The following HIPK2 variants were observed in gnomAD, a reference collection of about 807,000 sequenced individuals.
HIPK2 encodes homeodomain-interacting protein kinase 2.
HIPK2 carries 27 observed loss-of-function variants against 113.7 expected under a neutral mutation model. The ratio of observed to expected loss-of-function variants is 0.24; its 90% CI spans 0.17 to 0.33. The LOEUF (loss-of-function observed/expected upper bound fraction) is 0.33. Among genes scored for constraint, HIPK2 ranks in the 10% least tolerant of loss-of-function variants. The pLI, the probability that HIPK2 is intolerant of heterozygous loss-of-function variation, is 1.00. For missense variants in HIPK2, 1,257 were observed against 1,588.0 expected (o/e 0.79, Z 3.54); for synonymous variants, 631 against 642.2 (o/e 0.98, Z 0.26).
chr7:139,615,170 C>T (rs1174817824), intron 7 of HIPK2, among the ~76,000 whole-genome samples: 1 of 152,224 alleles, frequency 6.6e-6, no homozygotes, highest in Non-Finnish European at 1.5e-5. Context: ...CACAGGAGCA[C>T]ATGCAACAGG....
At chr7:139,585,608 A>G (rs1585239785) in intron 12 of HIPK2, among the ~76,000 whole-genome samples, 1 of 152,338 alleles carries the variant, frequency 6.6e-6, no homozygotes, top group African/African-American at 2.4e-5. Context: ...CAGTGGCCTC[A>G]TCAGTAAAAG....
intron 12 of HIPK2, among the ~76,000 whole-genome samples, chr7:139,584,978 G>A (rs1798788815): frequency 6.6e-6 from 1 of 152,230 alleles, no homozygotes; most frequent in Non-Finnish European, 1.5e-5. Flanking sequence ...GTTACTTTGG[G>A]AACTACTTCT....
At chr7:139,764,772 C>G (rs1199849878) in intron 1 of HIPK2, among the ~76,000 whole-genome samples, 1 of 152,080 alleles carries the variant, frequency 6.6e-6, no homozygotes. Context: ...GGCCTGAGAG[C>G]AGCACCCAGA....
intron 2 of HIPK2, among the ~76,000 whole-genome samples, chr7:139,647,724 G>A (rs1172661050): frequency 1.3e-5 from 2 of 152,104 alleles, no homozygotes; most frequent in Non-Finnish European, 2.9e-5. Flanking sequence ...GAGGCAGCTA[G>A]GGAGATTTTG....
At chr7:139,696,741 G>A (rs1423223152) in intron 2 of HIPK2, among the ~76,000 whole-genome samples, 2 of 152,120 alleles carry the variant, frequency 1.3e-5, no homozygotes, top group African/African-American at 2.4e-5. Context: ...AAAGAGTAAA[G>A]GGGGAAGAGT....
intron 7 of HIPK2, among the ~76,000 whole-genome samples, chr7:139,617,125 C>T (rs1246160807): frequency 6.6e-6 from 1 of 152,314 alleles, no homozygotes; most frequent in African/African-American, 2.4e-5. Flanking sequence ...TTCTGTATAT[C>T]CTCCTTTAGC....
Position 139,565,321 on chromosome 7 carries a change from T to C in HIPK2, c.*7606A>G, listed in dbSNP as rs1014200181. On this transcript the variant is annotated 3_prime_UTR_variant, in exon 15 of 15. Transcript: ENST00000406875. ...CCAATGGAGTTAAAGTTCTAAAAGATTCTAGAACTTGTGTAAACTACCTAA... is the reference window on the plus strand; with the variant it reads ...CCAATGGAGTTAAAGTTCTAAAAGACTCTAGAACTTGTGTAAACTACCTAA... The C allele has an allele frequency of 1.3e-5, 2 of 152,170 alleles. No homozygotes were observed. Among genetic ancestry groups the C allele is most frequent in the African/African-American group, 4.8e-5 (2 of 41,440 alleles). The allele number at this position is 152,170 out of a possible 1,614,324, so 9.4% of individuals were successfully genotyped here. A position where few individuals can be genotyped will look rare whatever the true frequency, so the allele number is the denominator to read the frequency against.
At chr7:139,600,931 C>A (rs924772849) in intron 10 of HIPK2, among the ~76,000 whole-genome samples, 6 of 152,118 alleles carry the variant, frequency 3.9e-5, no homozygotes, top group African/African-American at 1.4e-4. Context: ...AGGTGTTTAT[C>A]CTGAACAATA....
chr7:139,717,203 C>T (rs187234595), intron 1 of HIPK2, 188 bp from the exon 2 acceptor site: 2 of 352,494 alleles, frequency 5.7e-6, no homozygotes, highest in Non-Finnish European at 7.9e-6. Flanking sequence ...TTTGTGGAAC[C>T]AAGTGGTTCC....
Position 139,575,070 on chromosome 7 carries a change from C to T in HIPK2, c.3126+58G>A, listed in dbSNP as rs543051707. On this transcript the variant is annotated intron_variant, in intron 14 of 14. Coordinates refer to ENST00000406875, the MANE Select transcript of HIPK2 (RefSeq NM_022740.5). Reference sequence around the variant, plus strand: ...GCCGCCACAGCAATCCTCTCTGAAGCGGAAGGATGAGGGGATGGGGGCCCT... The same window carrying T: ...GCCGCCACAGCAATCCTCTCTGAAGTGGAAGGATGAGGGGATGGGGGCCCT... 2.7e-3 allele frequency: 4,076 copies of T among 1,522,170 alleles called. 8 individuals are homozygous for T. Among genetic ancestry groups the T allele is most frequent in the Non-Finnish European group, 3.3e-3 (3,760 of 1,133,718 alleles). 94.3% of individuals were successfully genotyped at this position (1,522,170 alleles called of 1,614,324 possible).
intron 2 of HIPK2, among the ~76,000 whole-genome samples, chr7:139,668,249 G>GA (rs1313808383): frequency 6.6e-6 from 1 of 151,824 alleles, no homozygotes; most frequent in Non-Finnish European, 1.5e-5. Context: ...TAATTAATGT[G>GA]AAATGCTATT....
chr7:139,766,575 T>C (rs1015637162), intron 1 of HIPK2, among the ~76,000 whole-genome samples: 6 of 152,190 alleles, frequency 3.9e-5, no homozygotes, highest in African/African-American at 1.4e-4. Context: ...CAGATCCTTC[T>C]TACCGGAGTC....
intron 2 of HIPK2, among the ~76,000 whole-genome samples, chr7:139,679,449 G>A (rs1802620084): frequency 6.6e-6 from 1 of 151,996 alleles, no homozygotes; most frequent in Non-Finnish European, 1.5e-5. Context: ...ACTTCGGGTA[G>A]ACAGAGAAGT....
intron 2 of HIPK2, among the ~76,000 whole-genome samples, chr7:139,690,207 G>C (rs976229691): frequency 2.6e-5 from 4 of 152,182 alleles, no homozygotes; most frequent in Admixed American, 2.6e-4. Context: ...TCAGTGTAAA[G>C]GGGTGGTGAA....
At chr7:139,723,179 G>A (rs1362737428) in intron 1 of HIPK2, among the ~76,000 whole-genome samples, 4 of 146,586 alleles carry the variant, frequency 2.7e-5, no homozygotes, top group Non-Finnish European at 5.9e-5. Context: ...CACAGTTACG[G>A]TTTTTTTCTT....
chr7:139,617,226 G>GA (rs1406981903), intron 7 of HIPK2, among the ~76,000 whole-genome samples: 2 of 152,236 alleles, frequency 1.3e-5, no homozygotes, highest in Non-Finnish European at 2.9e-5. Flanking sequence ...GTAATAACAA[G>GA]AAAAAACAAG....
chr7:139,735,704 C>T (rs1428003036), intron 1 of HIPK2, among the ~76,000 whole-genome samples: 1 of 152,216 alleles, frequency 6.6e-6, no homozygotes. Context: ...GGATGGAGTG[C>T]TCTCAGAGTC....
chr7:139,594,643 T>C (rs1176790915), intron 12 of HIPK2, among the ~76,000 whole-genome samples: 1 of 152,156 alleles, frequency 6.6e-6, no homozygotes, highest in African/African-American at 2.4e-5. Flanking sequence ...TAGAAAACAT[T>C]ATTCTGGGAG....
Position 139,777,614 on chromosome 7 carries a change from C to T in HIPK2, c.10G>A (p.Val4Met). 3 of 1,069,896 alleles carry T rather than the reference C, an allele frequency of 2.8e-6. No homozygotes were observed. The highest frequency in any genetic ancestry group is 3.4e-6 in the Non-Finnish European group (3 of 882,788). 66.3% of individuals were successfully genotyped at this position (1,069,896 alleles called of 1,614,324 possible). The change falls in exon 1 of 15, where the codon GTG (valine) becomes ATG (methionine). Residue 4 changes from valine (V) to methionine (M), a missense_variant. By Grantham distance (21) the Val-to-Met change is conservative (BLOSUM62 1). Coordinates refer to ENST00000406875, the MANE Select transcript of HIPK2 (RefSeq NM_022740.5). The stretch of plus-strand genomic sequence containing the variant: ...GCCGGGCGCCCCTTACCTTCGTACA[C>T]GGGGGCCATCGGGGCCGGGGTGTCC... MAPVYEGMASHVQV... is the reference protein window; with the variant it reads MAPMYEGMASHVQV...
Sources: allele counts gnomAD v4.1 joint callset (sites outside exome capture counted in the v4.1 genomes callset), GRCh38; gene constraint gnomAD v4.1.1; transcripts MANE v1.5; gene names NCBI Gene and HGNC (gene_info 2026-07-23, HGNC 2026-07-21).